Variants in KIF1A observed in about 807,000 individuals in gnomAD.
The protein encoded by KIF1A is kinesin-like protein KIF1A.
In KIF1A, 46 loss-of-function variants were observed where a neutral mutation model predicts 227.3. The ratio of observed to expected loss-of-function variants is 0.20; its 90% CI spans 0.16 to 0.26. The LOEUF (loss-of-function observed/expected upper bound fraction) is 0.26, where lower values mean the gene tolerates loss of function less well. Ranked by LOEUF, KIF1A falls within the 10% of genes least tolerant of loss-of-function variation. KIF1A has a pLI of 1.00. For synonymous variants in KIF1A, 1,022 were observed against 1,012.8 expected (o/e 1.01, Z -0.17); for missense variants, 1,683 against 2,485.9 (o/e 0.68, Z 6.87).
chr2:240,777,969 G>A (rs901634791), intron 10 of KIF1A, among the ~76,000 whole-genome samples: 32 of 152,232 alleles, frequency 2.1e-4, no homozygotes, highest in South Asian at 2.1e-4. Context: ...AGTCCCGCAC[G>A]CTCAAGCACT....
chr2:240,717,296 T>C lies in KIF1A; in HGVS notation c.*68A>G. The C allele has an allele frequency of 6.9e-7, 1 of 1,459,826 alleles. No homozygotes were observed. The allele number at this position is 1,459,826 out of a possible 1,614,324, so 90.4% of individuals were successfully genotyped here. A position where few individuals can be genotyped will look rare whatever the true frequency, so the allele number is the denominator to read the frequency against. On this transcript the variant is annotated 3_prime_UTR_variant, in exon 49 of 49. Transcript: ENST00000498729. The stretch of plus-strand genomic sequence containing the variant: ...GGCAGGAGAGGGGCTGGGCGGCAGG[T>C]GACAGGACAGACGAGGATGAGGGAG...
At chr2:240,806,237 G>T (rs534901445) in intron 1 of KIF1A, among the ~76,000 whole-genome samples, 21 of 152,348 alleles carry the variant, frequency 1.4e-4, no homozygotes, top group African/African-American at 5.0e-4. Context: ...GCAGCTGGAG[G>T]TTGTGAGTCA....
rs770156236 is a variant in KIF1A, at chr2:240,767,313, C to T, written c.1530G>A (p.Pro510=). ...TPHLVNLNED[P]LMSECLLYYI... ...AGTAGAGCAGGCACTCAGACATCAGCGGGTCCTCGTTCAGGTTGACGAGGT... is the reference window on the plus strand; with the variant it reads ...AGTAGAGCAGGCACTCAGACATCAGTGGGTCCTCGTTCAGGTTGACGAGGT... Residue 510 remains proline (P), a synonymous_variant, in exon 18 of 49, where the codon CCG becomes CCA. Transcript: ENST00000498729. 31 of 1,613,602 alleles carry T rather than the reference C, an allele frequency of 1.9e-5. No homozygotes were observed. Among genetic ancestry groups the T allele is most frequent in the South Asian group, 7.7e-5 (7 of 91,060 alleles).
rs1188325364 is a variant in KIF1A, at chr2:240,745,743, C to G, written c.3369G>C (p.Gln1123His). 6.2e-7 allele frequency: 1 copy of G among 1,611,828 alleles called. No homozygotes were observed. The highest frequency in any genetic ancestry group is 8.5e-7 in the Non-Finnish European group (1 of 1,179,278). Residue 1123 changes from glutamine (Q) to histidine (H), a missense_variant, in exon 31 of 49, where the codon CAG becomes CAC. Around this residue, in one of 12 missense-constraint regions of KIF1A, gnomAD observed 759 missense variants for 1,020.2 expected, o/e 0.74. Transcript: ENST00000498729. Reference protein sequence around the residue: ...ISAEYADIFCQFNFIHRHDEA... With the variant: ...ISAEYADIFCHFNFIHRHDEA... ...CAAAGGCAGCAGGGCCTCACTTGAA[C>G]TGGCAGAAGATGTCGGCATATTCGG...
At chr2:240,759,503 C>T (rs2050253404) in intron 25 of KIF1A, among the ~76,000 whole-genome samples, 1 of 152,204 alleles carries the variant, frequency 6.6e-6, no homozygotes, top group Non-Finnish European at 1.5e-5. Flanking sequence ...CTAGCCAAGC[C>T]TAAGCTGTCT....
At chr2:240,801,108 A>G (rs1259863969) in intron 1 of KIF1A, among the ~76,000 whole-genome samples, 1 of 152,238 alleles carries the variant, frequency 6.6e-6, no homozygotes, top group African/African-American at 2.4e-5. Flanking sequence ...AAAATAAGAA[A>G]GGACTCTGAT....
In KIF1A at chr2:240,726,155, C is replaced by T. The variant is rs911715590; in HGVS notation, c.4122+671G>A. 8.5e-5 allele frequency among the ~76,000 whole-genome samples: 13 copies of T among 152,332 alleles called. 1 individual carries two copies. The highest frequency in any genetic ancestry group is 1.7e-4 in the African/African-American group (7 of 41,560). ...GGAGGCCACAGCCCAGGTCTGGCCA[C>T]GGCCTATGTACTGCAGACTCTGGGG... On this transcript the variant is annotated intron_variant, in intron 39 of 48. Coordinates refer to ENST00000498729, the MANE Select transcript of KIF1A (RefSeq NM_001244008.2). The surrounding 1 kb of genome is among the most constrained non-coding windows in gnomAD (Gnocchi z 5.2).
intron 10 of KIF1A, among the ~76,000 whole-genome samples, chr2:240,780,901 G>C (rs1385241954): frequency 1.6e-4 from 5 of 31,942 alleles, no homozygotes; most frequent in African/African-American, 3.3e-4. Flanking sequence ...CACACACACA[G>C]CTCCACACAC....
chr2:240,717,120 C>G lies in KIF1A; in HGVS notation c.*244G>C, dbSNP rs942924768. On this transcript the variant is annotated 3_prime_UTR_variant, in exon 49 of 49. Transcript: ENST00000498729. ...CCCGTAACCTGTGCCCTTGGCCCCC[C>G]CAGCCTCTCCCAACTTGTTCCACCA... 2 of 480,686 alleles carry G rather than the reference C, an allele frequency of 4.2e-6. No homozygotes were observed. Among genetic ancestry groups the G allele is most frequent in the Admixed American group, 3.6e-5 (1 of 27,766 alleles). 29.8% of individuals were successfully genotyped at this position (480,686 alleles called of 1,614,324 possible). A position where few individuals can be genotyped will look rare whatever the true frequency, so the allele number is the denominator to read the frequency against.
rs759228543 is a variant in KIF1A, at chr2:240,742,965, G to T, written c.3604C>A (p.Arg1202Ser). ...AGTGGCATGACCCGAGGGAAGTGGC[G>T]GCGCGAGGGCCTCAGGGGGCTGTGG... ...DVLSPLRPSR[R>S]HFPRVMPLSK... The change falls in exon 34 of 49, where the codon CGC becomes AGC. Residue 1202 changes from arginine to serine, a missense_variant. By Grantham distance (110) the Arg-to-Ser change is moderately radical. Coordinates refer to ENST00000498729, the MANE Select transcript of KIF1A (RefSeq NM_001244008.2). The T allele has an allele frequency of 6.2e-7, 1 of 1,611,282 alleles. No homozygotes were observed. Among genetic ancestry groups the T allele is most frequent in the South Asian group, 1.1e-5 (1 of 90,568 alleles).
Position 240,767,025 on chromosome 2 carries a change from C to T in KIF1A, c.1578-4G>A, listed in dbSNP as rs376897164. The T allele has an allele frequency of 2.1e-5, 34 of 1,599,936 alleles. No homozygotes were observed. The highest frequency in any genetic ancestry group is 1.7e-4 in the Middle Eastern group (1 of 6,048). ...CTCGCCATCCTCCCTGCCCACTCTG[C>T]GGGGTGGGGGCACCATCAGCACGGC... On this transcript the variant is annotated splice_polypyrimidine_tract_variant and splice_region_variant and intron_variant, in intron 18 of 48. Transcript: ENST00000498729.
At chr2:240,723,010 C>G (rs1005488412) in intron 42 of KIF1A, among the ~76,000 whole-genome samples, 12 of 152,210 alleles carry the variant, frequency 7.9e-5, no homozygotes, top group Admixed American at 7.8e-4. Context: ...CCTGGCCTCA[C>G]GCATCTCACA....
At chr2:240,747,898 G>A (rs78822039) in intron 28 of KIF1A, among the ~76,000 whole-genome samples, 5 of 152,236 alleles carry the variant, frequency 3.3e-5, no homozygotes, top group South Asian at 2.1e-4. Context: ...GACAGTCAGC[G>A]CCTGCTCATG....
rs1372521425 is a variant in KIF1A at position 240,757,455 on chromosome 2, C to G, written c.2722G>C (p.Glu908Gln). 4 of 1,550,254 alleles carry G rather than the reference C, an allele frequency of 2.6e-6. No homozygotes were observed. In the East Asian group the frequency reaches 9.8e-5, roughly 38 times the overall value. Residue 908 changes from glutamate to glutamine, a missense_variant, in exon 27 of 49, where the codon GAG becomes CAG. Glu to Gln is a conservative substitution (Grantham distance 29, BLOSUM62 2). Transcript: ENST00000498729. This position sits in a 1 kb window ranked among gnomAD's most constrained non-coding sequence, Gnocchi z 6.2. The stretch of plus-strand genomic sequence containing the variant: ...TCCTCCTCCTCCTCCTCCTCCTCCT[C>G]CCCCACGCTCTGCTCCTCGGCAGGC... The part of the protein sequence containing the change: ...TEPAEEQSVG[E>Q]EEEEEEEEED...
chr2:240,798,141 A>G, intron 1 of KIF1A: 1 of 189,200 alleles, frequency 5.3e-6, no homozygotes, highest in South Asian at 1.2e-4. Context: ...CTGTGGATGC[A>G]GGCGCTGGTG....
At chr2:240,732,144 G>A in intron 38 of KIF1A, among the ~76,000 whole-genome samples, 1 of 86,078 alleles carries the variant, frequency 1.2e-5, no homozygotes, top group African/African-American at 4.8e-5. Context: ...AGGGGATGAG[G>A]GATTGGGGAG....
chr2:240,725,185 C>A lies in KIF1A; in HGVS notation c.4256+86G>T. 6.9e-7 allele frequency: 1 copy of A among 1,457,952 alleles called. No homozygotes were observed. Among genetic ancestry groups the A allele is most frequent in the Admixed American group, 2.3e-5 (1 of 44,346 alleles). The allele number at this position is 1,457,952 out of a possible 1,614,324, so 90.3% of individuals were successfully genotyped here. A position where few individuals can be genotyped will look rare whatever the true frequency, so the allele number is the denominator to read the frequency against. On this transcript the variant is annotated intron_variant, in intron 40 of 48. Coordinates refer to ENST00000498729, the MANE Select transcript of KIF1A (RefSeq NM_001244008.2). The surrounding 1 kb of genome is among the most constrained non-coding windows in gnomAD (Gnocchi z 5.8). ...GCACAGGGTGAGCTGCCGGGTGGCC[C>A]AAGGACCGCTGCCAGGCAGAGCCCT...
At chr2:240,781,603 C>CT (rs1446084967) in intron 10 of KIF1A, among the ~76,000 whole-genome samples, 1 of 152,206 alleles carries the variant, frequency 6.6e-6, no homozygotes, top group Non-Finnish European at 1.5e-5. Flanking sequence ...CCAGCGTTCT[C>CT]TGACAGTTCC....
At chr2:240,738,165 C>T (rs2047567563) in intron 37 of KIF1A, among the ~76,000 whole-genome samples, 1 of 152,238 alleles carries the variant, frequency 6.6e-6, no homozygotes, top group Non-Finnish European at 1.5e-5. Context: ...CAGCTGCTCT[C>T]AGCCCTCGGG....
Sources: gnomAD v4.1 joint callset for allele counts (sites outside exome capture counted in the v4.1 genomes callset) on GRCh38, gnomAD v4.1.1 for gene constraint, gnomAD v4.1.1 regional missense constraint, Gnocchi (gnomAD v3.1) non-coding constraint, MANE v1.5 for transcripts, NCBI Gene and HGNC (gene_info 2026-07-23, HGNC 2026-07-21) for gene names.